Variants in PIWIL4 observed in about 807,000 individuals in gnomAD.
PIWIL4 encodes piwi like RNA-mediated gene silencing 4.
Under a neutral mutation model 100.9 loss-of-function variants are expected in PIWIL4, and 50 were observed. The ratio of observed to expected loss-of-function variants is 0.50; its 90% CI spans 0.39 to 0.63. PIWIL4 has a LOEUF of 0.63. Ranked by LOEUF, PIWIL4 falls within the 20% of genes least tolerant of loss-of-function variation. PIWIL4 has a pLI of 0.00. For synonymous variants in PIWIL4, 342 were observed against 367.5 expected (o/e 0.93, Z 0.79); for missense variants, 887 against 1,043.3 (o/e 0.85, Z 2.06).
At chr11:94,595,476 G>A in intron 10 of PIWIL4, 50 bp downstream of exon 10, 4 of 1,375,244 alleles carry the variant, frequency 2.9e-6, no homozygotes, top group Non-Finnish European at 3.1e-6. Context: ...TTTAGTATTA[G>A]ATGGCCTATG....
intron 2 of PIWIL4, among the ~76,000 whole-genome samples, chr11:94,572,025 T>G (rs1349469624): frequency 6.6e-6 from 1 of 152,240 alleles, no homozygotes; most frequent in African/African-American, 2.4e-5. Context: ...GATTTGCATT[T>G]CTCTGATGGC....
intron 11 of PIWIL4, among the ~76,000 whole-genome samples, chr11:94,601,314 G>A (rs1157271975): frequency 6.6e-6 from 1 of 151,998 alleles, no homozygotes; most frequent in African/African-American, 2.4e-5. Context: ...TCCGTTTGGG[G>A]TCCCTGACTT....
At chr11:94,612,820 T>C (rs1487382695) in intron 15 of PIWIL4, among the ~76,000 whole-genome samples, 1 of 152,188 alleles carries the variant, frequency 6.6e-6, no homozygotes, top group African/African-American at 2.4e-5. Flanking sequence ...CACTTTTACT[T>C]TCTCCCCTAC....
chr11:94,570,519 C>T (rs1156245371), intron 2 of PIWIL4, among the ~76,000 whole-genome samples: 10 of 152,090 alleles, frequency 6.6e-5, no homozygotes, highest in Admixed American at 6.6e-4. Context: ...AATATGATCA[C>T]ATTCTGAGGC....
At chr11:94,586,324 T>G (rs1364372408) in intron 6 of PIWIL4, among the ~76,000 whole-genome samples, 2 of 152,094 alleles carry the variant, frequency 1.3e-5, no homozygotes, top group Non-Finnish European at 2.9e-5. Context: ...TGGCTTAGTA[T>G]CACAGTGTCT....
At chr11:94,615,680 G>T (rs548195124) in intron 15 of PIWIL4, among the ~76,000 whole-genome samples, 11 of 152,266 alleles carry the variant, frequency 7.2e-5, no homozygotes, top group Admixed American at 7.2e-4. Context: ...AGGCTGGAGT[G>T]CAGTGGCTAT....
chr11:94,615,143 G>T lies in PIWIL4; in HGVS notation c.1944-1350G>T, dbSNP rs112943230. 2.6e-3 allele frequency among the ~76,000 whole-genome samples: 388 copies of T among 152,108 alleles called. 5 individuals carry two copies. Among genetic ancestry groups the T allele is most frequent in the African/African-American group, 8.9e-3 (368 of 41,490 alleles). ...GCTCATAGAGCAGTCAGTAGGGTTT[G>T]CAGCCACTCTTTCCTGCCCCCAGAC... On this transcript the variant is annotated intron_variant, in intron 15 of 19. Transcript: ENST00000299001.
At chr11:94,583,038 A>ATGTGTG (rs1185966279) in intron 4 of PIWIL4, among the ~76,000 whole-genome samples, 162 of 104,110 alleles carry the variant, frequency 1.6e-3, no homozygotes, top group African/African-American at 6.4e-3. Context: ...GTGTGTATAT[A>ATGTGTG]TATATATGTG....
Position 94,577,264 on chromosome 11 carries a change from T to A in PIWIL4, c.299-14T>A. On this transcript the variant is annotated splice_polypyrimidine_tract_variant and intron_variant, in intron 3 of 19. Coordinates refer to ENST00000299001, the MANE Select transcript of PIWIL4 (RefSeq NM_152431.3). ...TTCCTGATTAAAAAATTGTTTTTTG[T>A]TTGTCTTCTTCAGGTTCCAGTGGAA... The A allele has an allele frequency of 6.3e-7, 1 of 1,594,570 alleles. No individual in the cohort carries two copies. The highest frequency in any genetic ancestry group is 8.6e-7 in the Non-Finnish European group (1 of 1,167,568).
intron 16 of PIWIL4, among the ~76,000 whole-genome samples, chr11:94,616,893 T>C (rs1209430534): frequency 2.0e-5 from 3 of 152,140 alleles, no homozygotes; most frequent in South Asian, 2.1e-4. Flanking sequence ...ATGTTAAGTG[T>C]AGACCTAGGA....
At chr11:94,609,566 G>A (rs1348872669) in intron 15 of PIWIL4, among the ~76,000 whole-genome samples, 1 of 152,058 alleles carries the variant, frequency 6.6e-6, no homozygotes, top group East Asian at 1.9e-4. Context: ...TTCATTCCAG[G>A]TTGTATGAGA....
At chr11:94,589,791 C>A (rs1948457938) in intron 8 of PIWIL4, among the ~76,000 whole-genome samples, 1 of 152,166 alleles carries the variant, frequency 6.6e-6, no homozygotes, top group Non-Finnish European at 1.5e-5. Context: ...CTCCCAGAAT[C>A]CCCTCCCTGT....
At position 94,586,157 on chromosome 11, in the gene PIWIL4, G is replaced by A. The variant is rs531897020; in HGVS notation, c.716+632G>A. ...TTCTGCTTGGTGGAGGAAAAATGACGGAGTTTCCATATGTTCATTCAGAGT... is the reference window on the plus strand; with the variant it reads ...TTCTGCTTGGTGGAGGAAAAATGACAGAGTTTCCATATGTTCATTCAGAGT... On this transcript the variant is annotated intron_variant, in intron 6 of 19. Coordinates refer to ENST00000299001, the MANE Select transcript of PIWIL4 (RefSeq NM_152431.3). Among the ~76,000 whole-genome samples, 25 of 151,630 alleles carry A rather than the reference G, an allele frequency of 1.6e-4. No homozygotes were observed. In the South Asian group the frequency reaches 3.3e-3, roughly 20 times the overall value.
Position 94,621,033 on chromosome 11 carries a change from A to G in PIWIL4, c.*41A>G, listed in dbSNP as rs367759730. On this transcript the variant is annotated 3_prime_UTR_variant, in exon 20 of 20. Coordinates refer to ENST00000299001, the MANE Select transcript of PIWIL4 (RefSeq NM_152431.3). ...GCATCACTAGATGGACAATCCAAGAAGAAATTGGTATACTTTGTGCAAATC... is the reference window on the plus strand; with the variant it reads ...GCATCACTAGATGGACAATCCAAGAGGAAATTGGTATACTTTGTGCAAATC... 215 of 1,418,160 alleles carry G rather than the reference A, an allele frequency of 1.5e-4. No homozygotes were observed. The highest frequency in any genetic ancestry group is 2.1e-4 in the Non-Finnish European group (207 of 1,002,848). The allele number at this position is 1,418,160 out of a possible 1,614,324, so 87.8% of individuals were successfully genotyped here. A position where few individuals can be genotyped will look rare whatever the true frequency, so the allele number is the denominator to read the frequency against.
intron 15 of PIWIL4, among the ~76,000 whole-genome samples, 182 bp from the exon 16 acceptor site, chr11:94,616,311 G>C (rs568323341): frequency 1.2e-4 from 18 of 151,994 alleles, no homozygotes; most frequent in Admixed American, 2.0e-4. Context: ...TTTAGCTTCT[G>C]TTCTCAATAA....
intron 11 of PIWIL4, among the ~76,000 whole-genome samples, 165 bp from the exon 12 acceptor site, chr11:94,601,630 A>G (rs1042422646): frequency 3.3e-5 from 5 of 152,236 alleles, no homozygotes; most frequent in South Asian, 2.1e-4. Flanking sequence ...CCCAGAAAGC[A>G]CATGTATTCT....
intron 8 of PIWIL4, among the ~76,000 whole-genome samples, chr11:94,590,940 G>A (rs1465122709): frequency 1.3e-5 from 2 of 152,136 alleles, no homozygotes; most frequent in Admixed American, 1.3e-4. Context: ...GGAGTAAGAT[G>A]GTCCTGGCTC....
chr11:94,569,673 C>T (rs550834013), intron 2 of PIWIL4, among the ~76,000 whole-genome samples: 35 of 152,172 alleles, frequency 2.3e-4, no homozygotes, highest in African/African-American at 7.7e-4. Flanking sequence ...CCACCGCCCC[C>T]GGGCGGCGGC....
At chr11:94,574,347 G>C (rs1462324063) in intron 2 of PIWIL4, among the ~76,000 whole-genome samples, 1 of 152,170 alleles carries the variant, frequency 6.6e-6, no homozygotes, top group Non-Finnish European at 1.5e-5. Flanking sequence ...GAGGACAGAA[G>C]TTAGTCTGTA....
Sources: allele counts gnomAD v4.1 joint callset (sites outside exome capture counted in the v4.1 genomes callset), GRCh38; gene constraint gnomAD v4.1.1; transcripts MANE v1.5; gene names NCBI Gene and HGNC (gene_info 2026-07-23, HGNC 2026-07-21).